The following VDR variants were observed in gnomAD, a reference collection of about 807,000 sequenced individuals.
VDR encodes the protein vitamin D receptor, also known as vitamin D3 receptor.
Under a neutral mutation model 39.7 loss-of-function variants are expected in VDR, and 19 were observed. That is an observed-to-expected ratio of 0.48 (90% confidence interval 0.33 to 0.70). VDR has a LOEUF of 0.70. Among genes scored for constraint, VDR ranks in the 30% least tolerant of loss-of-function variants. The pLI, the probability that VDR is intolerant of heterozygous loss-of-function variation, is 0.02. For missense variants in VDR, 442 were observed against 570.5 expected, an observed-to-expected ratio of 0.77 and a Z score of 2.29; for synonymous variants, 242 against 215.8, an observed-to-expected ratio of 1.12 and a Z score of -1.07.
intron 3 of VDR, among the ~76,000 whole-genome samples, chr12:47,876,709 A>T (rs770155357): frequency 3.3e-5 from 5 of 152,148 alleles, no homozygotes; most frequent in Non-Finnish European, 7.3e-5. Flanking sequence ...CATCTTTCAC[A>T]CTCAGCCTGG....
At chr12:47,867,997 G>T (rs1797826127) in intron 3 of VDR, among the ~76,000 whole-genome samples, 1 of 152,170 alleles carries the variant, frequency 6.6e-6, no homozygotes, top group South Asian at 2.1e-4. Context: ...CAGACTCTTA[G>T]ATCCACAGAG....
At chr12:47,889,038 T>C (rs1002242673) in intron 1 of VDR, among the ~76,000 whole-genome samples, 1 of 152,156 alleles carries the variant, frequency 6.6e-6, no homozygotes, top group East Asian at 1.9e-4. Flanking sequence ...ACAATTATTA[T>C]GTGTCAACTA....
In VDR at chr12:47,846,775, C is replaced by A. The variant is rs1172511708; in HGVS notation, c.789G>T (p.Leu263=). ...TGATGACCTCAATGGCACTTGACTT[C>A]AGCAGTACGATCTGGTCCTCAGAGG... ...DLTSEDQIVL[L]KSSAIEVIML... Residue 263 remains leucine, a synonymous_variant, in exon 8 of 10, where the codon CTG becomes CTT. Transcript: ENST00000549336. 72 of 1,614,040 alleles carry A rather than the reference C, an allele frequency of 4.5e-5. No individual in the cohort carries two copies. The highest frequency in any genetic ancestry group is 5.5e-5 in the Non-Finnish European group (65 of 1,180,044).
chr12:47,865,189 G>A lies in VDR; in HGVS notation c.147-12C>T, dbSNP rs1040641433. The A allele has an allele frequency of 8.7e-6, 14 of 1,610,264 alleles. No homozygotes were observed. Among genetic ancestry groups the A allele is most frequent in the Admixed American group, 3.3e-5 (2 of 59,946 alleles). The stretch of plus-strand genomic sequence containing the variant: ...GCTTCATGCTTCGCCTGCCGAGAGA[G>A]CACACACCCTGCCCTGGGTCACTGA... On this transcript the variant is annotated splice_polypyrimidine_tract_variant and intron_variant, in intron 3 of 9. Coordinates refer to ENST00000549336, the MANE Select transcript of VDR (RefSeq NM_000376.3).
chr12:47,855,339 A>AAAT (rs1945460596), intron 7 of VDR, among the ~76,000 whole-genome samples: 3 of 146,546 alleles, frequency 2.0e-5, no homozygotes, highest in African/African-American at 7.7e-5. Flanking sequence ...AAAAAAAATA[A>AAAT]AAATAAATAA....
chr12:47,901,657 T>C (rs1048297054), intron 1 of VDR: 2 of 153,106 alleles, frequency 1.3e-5, no homozygotes, highest in South Asian at 2.1e-4. Context: ...AGACTTTCTG[T>C]GGGATAGTGT....
At chr12:47,878,552 TGGATTG>T (rs1325973411) in intron 3 of VDR, among the ~76,000 whole-genome samples, 1 of 152,174 alleles carries the variant, frequency 6.6e-6, no homozygotes, top group Non-Finnish European at 1.5e-5. Flanking sequence ...AGGAACAGTT[TGGATTG>T]GATGGGAAGG....
intron 3 of VDR, among the ~76,000 whole-genome samples, chr12:47,876,199 C>G (rs1202218632): frequency 4.7e-5 from 7 of 150,114 alleles, no homozygotes; most frequent in Non-Finnish European, 8.9e-5. Flanking sequence ...AATACAGAAT[C>G]CATGAATAAT....
chr12:47,856,249 G>T (rs1945485336), intron 6 of VDR, among the ~76,000 whole-genome samples: 1 of 152,194 alleles, frequency 6.6e-6, no homozygotes, highest in Non-Finnish European at 1.5e-5. Flanking sequence ...GCCTATGAGG[G>T]CTGGGGTGCT....
At chr12:47,881,413 T>C (rs1218188188) in intron 2 of VDR, among the ~76,000 whole-genome samples, 2 of 152,126 alleles carry the variant, frequency 1.3e-5, no homozygotes, top group Non-Finnish European at 2.9e-5. Context: ...GACAATTCAT[T>C]CATACTCAAA....
At chr12:47,848,486 G>T (rs58187695) in intron 7 of VDR, among the ~76,000 whole-genome samples, 3 of 148,340 alleles carry the variant, frequency 2.0e-5, no homozygotes, top group Admixed American at 6.8e-5. Flanking sequence ...GTGATGCCTT[G>T]AACATTGCTG....
Position 47,844,822 on chromosome 12 carries a change from C to A in VDR, c.1208G>T (p.Cys403Phe). Residue 403 changes from cysteine to phenylalanine, a missense_variant, in exon 10 of 10, where the codon TGC becomes TTC. Around this residue, in one of 5 missense-constraint regions of VDR, gnomAD observed 173 missense variants for 252.0 expected, o/e 0.69. Coordinates refer to ENST00000549336, the MANE Select transcript of VDR (RefSeq NM_000376.3). Reference sequence around the variant, plus strand: ...GCTGCACTCAGGCTGGAAGGAGAGGCAGCGGTACTGCTTGGAGTGCTCCTC... The same window carrying A: ...GCTGCACTCAGGCTGGAAGGAGAGGAAGCGGTACTGCTTGGAGTGCTCCTC... ...LNEEHSKQYR[C>F]LSFQPECSMK... 1 of 1,614,222 alleles carries A rather than the reference C, an allele frequency of 6.2e-7. No homozygotes were observed. The highest frequency in any genetic ancestry group is 8.5e-7 in the Non-Finnish European group (1 of 1,180,032).
At chr12:47,889,022 A>G (rs2853559) in intron 1 of VDR, among the ~76,000 whole-genome samples, 103,332 of 152,022 alleles carry the variant, frequency 0.68, 35,853 homozygotes, top group African/African-American at 0.82. Flanking sequence ...TCTGTATTCC[A>G]TATGTACAAT....
intron 7 of VDR, among the ~76,000 whole-genome samples, chr12:47,854,197 C>A (rs1215490488): frequency 6.6e-6 from 1 of 152,136 alleles, no homozygotes; most frequent in African/African-American, 2.4e-5. Context: ...TCATGGATCA[C>A]TGTAGCCTTG....
chr12:47,898,067 C>G (rs2137247959), intron 1 of VDR, among the ~76,000 whole-genome samples: 1 of 152,254 alleles, frequency 6.6e-6, no homozygotes, highest in East Asian at 1.9e-4. Flanking sequence ...ACTGAGGAGA[C>G]CACCAAGTGT....
At chr12:47,877,313 A>C (rs1946028302) in intron 3 of VDR, among the ~76,000 whole-genome samples, 2 of 152,182 alleles carry the variant, frequency 1.3e-5, no homozygotes, top group Admixed American at 1.3e-4. Context: ...GCATGGTTCC[A>C]TGAAGGGCAG....
rs1222640854 is a variant in VDR, at chr12:47,842,396, T to TG, written c.*2349dup. 5.3e-5 allele frequency: 8 copies of TG among 151,894 alleles called. No individual in the cohort carries two copies. The highest frequency in any genetic ancestry group is 1.7e-4 in the African/African-American group (7 of 41,242). The allele number at this position is 151,894 out of a possible 1,614,324, so 9.4% of individuals were successfully genotyped here. On this transcript the variant is annotated 3_prime_UTR_variant, in exon 10 of 10. Coordinates refer to ENST00000549336, the MANE Select transcript of VDR (RefSeq NM_000376.3). ...GGGTCAGCCACCTGGGGAATGAGAGTGGGGGTCTGAGCTCAAACATGGTGT... is the reference window on the plus strand; with the variant it reads ...GGGTCAGCCACCTGGGGAATGAGAGTGGGGGGTCTGAGCTCAAACATGGTGT...
intron 4 of VDR, among the ~76,000 whole-genome samples, chr12:47,863,860 C>T (rs1462580206): frequency 2.6e-5 from 4 of 152,230 alleles, no homozygotes; most frequent in African/African-American, 7.2e-5. Flanking sequence ...TCAGCTCTGC[C>T]TCTGTGTCCC....
At chr12:47,899,086 A>C (rs955010996) in intron 1 of VDR, among the ~76,000 whole-genome samples, 2 of 152,232 alleles carry the variant, frequency 1.3e-5, no homozygotes, top group African/African-American at 4.8e-5. Context: ...TGAAGAACCC[A>C]AGTTGCAGAG....
Sources: gnomAD v4.1 joint callset for allele counts (sites outside exome capture counted in the v4.1 genomes callset) on GRCh38, gnomAD v4.1.1 for gene constraint, gnomAD v4.1.1 regional missense constraint, MANE v1.5 for transcripts, NCBI Gene and HGNC (gene_info 2026-07-23, HGNC 2026-07-21) for gene names.